The following MAP1B variants were observed in gnomAD, a reference collection of about 807,000 sequenced individuals.
MAP1B encodes microtubule associated protein 1B, also known as microtubule-associated protein 1B.
MAP1B carries 12 observed loss-of-function variants against 176.1 expected under a neutral mutation model. The observed-to-expected ratio is 0.07, with a 90% confidence interval of 0.04 to 0.11. MAP1B has a LOEUF of 0.11. Ranked by LOEUF, MAP1B falls within the 10% of genes least tolerant of loss-of-function variation. The pLI is 1.00. For missense variants in MAP1B, 2,523 were observed against 2,990.5 expected (o/e 0.84, Z 3.65); for synonymous variants, 1,044 against 1,135.0 (o/e 0.92, Z 1.61).
At position 72,132,570 on chromosome 5, in the gene MAP1B, C is replaced by T. The variant is rs370826072; in HGVS notation, c.286+16771C>T. Among the ~76,000 whole-genome samples, 35 of 152,308 alleles carry T rather than the reference C, an allele frequency of 2.3e-4. 1 individual carries two copies. The East Asian group carries it at 2.3e-3, about 10-fold the overall frequency. On this transcript the variant is annotated intron_variant, in intron 2 of 6. Transcript: ENST00000296755. ...CAGGATTTGTTCTGCTCTTGAGTGC[C>T]TTAAATGCAGATTTAAATTCTGCTA...
At chr5:72,152,479 C>T (rs894312901) in intron 2 of MAP1B, among the ~76,000 whole-genome samples, 1 of 152,150 alleles carries the variant, frequency 6.6e-6, no homozygotes, top group Non-Finnish European at 1.5e-5. Flanking sequence ...CAGAGTCTCA[C>T]TCTGTCACTC....
intron 2 of MAP1B, among the ~76,000 whole-genome samples, chr5:72,149,394 T>C (rs561225826): frequency 1.2e-4 from 19 of 152,364 alleles, no homozygotes; most frequent in African/African-American, 4.1e-4. Context: ...GGAGGGGCGG[T>C]AAGCAAAATC....
At chr5:72,203,856 T>TG (rs1747385975) in intron 6 of MAP1B, 55 bp downstream of exon 6, 1 of 1,541,318 alleles carries the variant, frequency 6.5e-7, no homozygotes, top group Non-Finnish European at 8.9e-7. Flanking sequence ...CCAGAGGCAA[T>TG]GGGAAGGAAC....
intron 2 of MAP1B, among the ~76,000 whole-genome samples, chr5:72,133,306 G>A (rs1247252636): frequency 6.6e-6 from 1 of 152,244 alleles, no homozygotes; most frequent in African/African-American, 2.4e-5. Context: ...ACGCAGAACA[G>A]CTCTCTCCTC....
Position 72,199,007 on chromosome 5 carries a change from A to T in MAP1B, c.5652A>T (p.Glu1884Asp). ...AGGAAACAACCAGGTCCCCAGATGA[A>T]GAAGATTATGACTATGAGTCTTATG... is the stretch of plus-strand genomic sequence containing the variant. ...KPEETTRSPDEEDYDYESYEK... is the reference protein window; with the variant it reads ...KPEETTRSPDDEDYDYESYEK... The change falls in exon 5 of 7, where the codon GAA (glutamate) becomes GAT (aspartate). Residue 1884 changes from glutamate (E) to aspartate (D), a missense_variant. By Grantham distance (45) the Glu-to-Asp change is conservative (BLOSUM62 2). Around this residue, in one of 4 missense-constraint regions of MAP1B, gnomAD observed 1,925 missense variants for 2,126.0 expected, o/e 0.91. Coordinates refer to ENST00000296755, the MANE Select transcript of MAP1B (RefSeq NM_005909.5). The surrounding 1 kb of genome is among the most constrained non-coding windows in gnomAD (Gnocchi z 4.2). 6.2e-7 allele frequency: 1 copy of T among 1,614,228 alleles called. No individual in the cohort carries two copies.
intron 2 of MAP1B, among the ~76,000 whole-genome samples, chr5:72,159,973 T>C (rs895526241): frequency 2.0e-5 from 3 of 152,230 alleles, no homozygotes; most frequent in Admixed American, 6.5e-5. Flanking sequence ...CTATGCCTTG[T>C]CTTCCTCCAG....
intron 2 of MAP1B, among the ~76,000 whole-genome samples, chr5:72,139,493 T>C (rs138456314): frequency 2.0e-5 from 3 of 152,344 alleles, no homozygotes; most frequent in Admixed American, 6.5e-5. Context: ...CCCTGCAAGG[T>C]AAGATGTAAG....
intron 2 of MAP1B, among the ~76,000 whole-genome samples, chr5:72,116,880 T>C (rs1001333600): frequency 4.0e-4 from 61 of 152,192 alleles, no homozygotes; most frequent in African/African-American, 1.4e-3. Context: ...GTCGTGTATA[T>C]ACATTGATAT....
chr5:72,110,264 C>G (rs948238884), intron 1 of MAP1B, among the ~76,000 whole-genome samples: 2 of 152,126 alleles, frequency 1.3e-5, no homozygotes, highest in Non-Finnish European at 2.9e-5. Flanking sequence ...TTTTAATTCC[C>G]TAATTTGGTC....
intron 3 of MAP1B, among the ~76,000 whole-genome samples, chr5:72,184,186 G>A (rs1396949788): frequency 2.0e-5 from 3 of 152,170 alleles, no homozygotes; most frequent in African/African-American, 7.2e-5. Context: ...CGACATACAG[G>A]GCAAACCTGG....
intron 2 of MAP1B, among the ~76,000 whole-genome samples, chr5:72,178,027 G>A (rs1224851356): frequency 1.3e-5 from 2 of 151,510 alleles, no homozygotes; most frequent in African/African-American, 4.9e-5. Flanking sequence ...TTTTGAGGCG[G>A]AGTCTCACTC....
intron 2 of MAP1B, among the ~76,000 whole-genome samples, chr5:72,178,587 C>T (rs975691904): frequency 6.6e-6 from 1 of 152,178 alleles, no homozygotes; most frequent in African/African-American, 2.4e-5. Flanking sequence ...CATGCCCTGC[C>T]CCTCAGTCCT....
chr5:72,163,930 CTTTTTTT>C (rs869167918), intron 2 of MAP1B, among the ~76,000 whole-genome samples: 6 of 43,698 alleles, frequency 1.4e-4, no homozygotes, highest in Non-Finnish European at 2.5e-4. Context: ...TTTTTTTTTT[CTTTTTTT>C]TTTTTTTTTT....
intron 2 of MAP1B, among the ~76,000 whole-genome samples, chr5:72,157,123 G>A (rs1410424667): frequency 2.6e-5 from 4 of 152,188 alleles, no homozygotes; most frequent in Non-Finnish European, 4.4e-5. Context: ...TTAAACAGAT[G>A]GAGGAATGAT....
At chr5:72,139,945 T>C (rs1309934142) in intron 2 of MAP1B, among the ~76,000 whole-genome samples, 3 of 152,058 alleles carry the variant, frequency 2.0e-5, no homozygotes, top group Non-Finnish European at 2.9e-5. Flanking sequence ...AGACATATAT[T>C]GTATAAGGAT....
In MAP1B at chr5:72,198,774, G is replaced by A. The variant is rs139296352; in HGVS notation, c.5419G>A (p.Val1807Ile). The A allele has an allele frequency of 3.7e-6, 6 of 1,614,196 alleles. No homozygotes were observed. The highest frequency in any genetic ancestry group is 5.1e-6 in the Non-Finnish European group (6 of 1,180,048). ...TACTTTTTCAGATTCTACCTCTGCA[G>A]TCAAAGAGAAAACAGCAACTTGCCA... ...SPTFSDSTSA[V>I]KEKTATCHSS... Residue 1807 changes from valine (V) to isoleucine (I), a missense_variant, in exon 5 of 7, where the codon GTC becomes ATC. By Grantham distance (29) the Val-to-Ile change is conservative. Transcript: ENST00000296755.
intron 4 of MAP1B, among the ~76,000 whole-genome samples, chr5:72,187,705 C>G (rs1299736112): frequency 6.6e-6 from 1 of 152,146 alleles, no homozygotes; most frequent in Non-Finnish European, 1.5e-5. Flanking sequence ...TTCCTTGGCC[C>G]TGAGGTTCAG....
intron 2 of MAP1B, among the ~76,000 whole-genome samples, chr5:72,132,115 C>T (rs977968605): frequency 5.3e-5 from 8 of 152,180 alleles, no homozygotes; most frequent in African/African-American, 1.4e-4. Context: ...AGCCTGCCTT[C>T]ACCATTAAAT....
Position 72,196,983 on chromosome 5 carries a change from C to T in MAP1B, c.3628C>T (p.Pro1210Ser). Residue 1210 changes from proline to serine, a missense_variant, in exon 5 of 7, where the codon CCC becomes TCC. Around this residue, in one of 4 missense-constraint regions of MAP1B, gnomAD observed 1,925 missense variants for 2,126.0 expected, o/e 0.91. Transcript: ENST00000296755. The surrounding 1 kb of genome is among the most constrained non-coding windows in gnomAD (Gnocchi z 5.3). The part of the protein sequence containing the change: ...YNASASTISP[P>S]SSMEEDKFSR... ...TGCTTCAGCCTCTACCATATCACCA[C>T]CCTCTTCCATGGAGGAAGACAAATT... The T allele has an allele frequency of 6.2e-7, 1 of 1,614,222 alleles. No homozygotes were observed. The highest frequency in any genetic ancestry group is 1.1e-5 in the South Asian group (1 of 91,084).
Sources: allele counts gnomAD v4.1 joint callset (sites outside exome capture counted in the v4.1 genomes callset), GRCh38; gene constraint gnomAD v4.1.1; regional missense constraint gnomAD v4.1.1; non-coding constraint Gnocchi (gnomAD v3.1); transcripts MANE v1.5; gene names NCBI Gene and HGNC (gene_info 2026-07-23, HGNC 2026-07-21).